FAM117B: variants seen among roughly 807,000 people sequenced by gnomAD.
The protein encoded by FAM117B is family with sequence similarity 117 member B, also known as protein FAM117B.
FAM117B carries 22 observed loss-of-function variants against 52.8 expected under a neutral mutation model. The observed-to-expected ratio is 0.42, with a 90% CI of 0.30 to 0.59. FAM117B has a LOEUF of 0.59. Among genes scored for constraint, FAM117B ranks in the 20% least tolerant of loss-of-function variants. The pLI, the probability that FAM117B is intolerant of heterozygous loss-of-function variation, is 0.22. For missense variants in FAM117B, 678 were observed against 802.6 expected, an observed-to-expected ratio of 0.84 and a Z score of 1.88; for synonymous variants, 309 against 324.1, an observed-to-expected ratio of 0.95 and a Z score of 0.50.
intron 2 of FAM117B, among the ~76,000 whole-genome samples, chr2:202,703,561 G>C (rs1174521379): frequency 6.6e-6 from 1 of 152,092 alleles, no homozygotes; most frequent in Non-Finnish European, 1.5e-5. Flanking sequence ...TTTCTATGTT[G>C]CCCGGGCTGG....
intron 7 of FAM117B, among the ~76,000 whole-genome samples, chr2:202,759,758 C>T (rs557260350): frequency 3.3e-5 from 5 of 151,846 alleles, no homozygotes; most frequent in South Asian, 2.1e-4. Flanking sequence ...GGGGTTTCAC[C>T]GCGTTAGCCA....
chr2:202,746,834 G>A (rs1379598250), intron 4 of FAM117B, among the ~76,000 whole-genome samples: 1 of 151,844 alleles, frequency 6.6e-6, no homozygotes, highest in Admixed American at 6.6e-5. Context: ...ACTAGCACCA[G>A]TTCTTCTCAA....
intron 7 of FAM117B, 93 bp from the exon 8 acceptor site, chr2:202,765,352 TA>T: frequency 8.0e-7 from 1 of 1,249,146 alleles, no homozygotes; most frequent in Non-Finnish European, 1.1e-6. Flanking sequence ...TAACTGTTTT[TA>T]AAAAATAAAA....
intron 4 of FAM117B, among the ~76,000 whole-genome samples, chr2:202,729,445 A>T (rs965924427): frequency 1.3e-5 from 2 of 152,230 alleles, no homozygotes; most frequent in African/African-American, 2.4e-5. Context: ...GCCACACGAT[A>T]CATGTGTACT....
At chr2:202,688,449 C>G (rs1016496358) in intron 1 of FAM117B, among the ~76,000 whole-genome samples, 1 of 151,946 alleles carries the variant, frequency 6.6e-6, no homozygotes, top group Non-Finnish European at 1.5e-5. Context: ...ATTATACATA[C>G]TCTTTAAAAT....
chr2:202,652,123 A>G (rs1276486119), intron 1 of FAM117B, among the ~76,000 whole-genome samples: 1 of 151,812 alleles, frequency 6.6e-6, no homozygotes, highest in Non-Finnish European at 1.5e-5. Flanking sequence ...TTTAAAGACA[A>G]GGTCTTGCTC....
At chr2:202,729,067 G>A (rs1691300371) in intron 4 of FAM117B, among the ~76,000 whole-genome samples, 1 of 152,224 alleles carries the variant, frequency 6.6e-6, no homozygotes, top group South Asian at 2.1e-4. Flanking sequence ...GCCGGGCACG[G>A]TGGCTCACGC....
At chr2:202,705,789 T>G (rs1169350799) in intron 2 of FAM117B, among the ~76,000 whole-genome samples, 2 of 152,222 alleles carry the variant, frequency 1.3e-5, no homozygotes, top group Non-Finnish European at 2.9e-5. Flanking sequence ...TTAAACTACC[T>G]GATTTTCAGA....
intron 2 of FAM117B, among the ~76,000 whole-genome samples, chr2:202,702,255 G>A (rs1466149924): frequency 6.6e-6 from 1 of 152,004 alleles, no homozygotes; most frequent in Non-Finnish European, 1.5e-5. Context: ...GTGGGGCATG[G>A]TGGTGTGCAC....
intron 2 of FAM117B, 83 bp from the exon 3 acceptor site, chr2:202,724,832 AAT>A: frequency 1.1e-6 from 1 of 942,498 alleles, no homozygotes; most frequent in South Asian, 3.0e-5. Context: ...TTGTAATGGA[AAT>A]ATGTTTTATA....
At chr2:202,641,465 A>G (rs897661882) in intron 1 of FAM117B, among the ~76,000 whole-genome samples, 9 of 152,286 alleles carry the variant, frequency 5.9e-5, no homozygotes, top group African/African-American at 2.2e-4. Flanking sequence ...CCAGACTGTC[A>G]GGGTTCAGAC....
chr2:202,646,031 GTTTT>G lies in FAM117B; in HGVS notation c.601+10253_601+10256del, dbSNP rs774262277. On this transcript the variant is annotated intron_variant, in intron 1 of 7. Coordinates refer to ENST00000392238, the MANE Select transcript of FAM117B (RefSeq NM_173511.4). Reference sequence around the variant, plus strand: ...TCCTGTTAATGCCTAAAAGTTTTTTGTTTTTTTTTTTTTGAGATGGAGTCTTGCT... The same window carrying G: ...TCCTGTTAATGCCTAAAAGTTTTTTGTTTTTTTTTGAGATGGAGTCTTGCT... 7.3e-5 allele frequency among the ~76,000 whole-genome samples: 10 copies of G among 137,798 alleles called. No homozygotes were observed. In the South Asian group the frequency reaches 1.2e-3, roughly 16 times the overall value. The allele number at this position is 137,798 out of a possible 152,430, so 90.4% of individuals were successfully genotyped here.
intron 1 of FAM117B, among the ~76,000 whole-genome samples, chr2:202,653,662 T>TG (rs1690009369): frequency 6.6e-6 from 1 of 152,246 alleles, no homozygotes; most frequent in Non-Finnish European, 1.5e-5. Context: ...ATTGAGAGTT[T>TG]GAGAAATTCA....
At chr2:202,663,961 A>C (rs1422796874) in intron 1 of FAM117B, among the ~76,000 whole-genome samples, 1 of 152,212 alleles carries the variant, frequency 6.6e-6, no homozygotes, top group East Asian at 1.9e-4. Context: ...TGTCCTGTAA[A>C]GTATACTGAT....
chr2:202,681,269 T>C (rs937741792), intron 1 of FAM117B, among the ~76,000 whole-genome samples: 1 of 151,712 alleles, frequency 6.6e-6, no homozygotes, highest in Non-Finnish European at 1.5e-5. Flanking sequence ...AAAGAACAGG[T>C]AGAGAAAATG....
At chr2:202,719,731 C>T (rs2105785245) in intron 2 of FAM117B, among the ~76,000 whole-genome samples, 1 of 152,242 alleles carries the variant, frequency 6.6e-6, no homozygotes, top group Admixed American at 6.5e-5. Flanking sequence ...GCAATTTCCC[C>T]TGTAAGCTAG....
intron 1 of FAM117B, among the ~76,000 whole-genome samples, chr2:202,665,203 A>G (rs946475547): frequency 1.3e-5 from 2 of 148,530 alleles, no homozygotes; most frequent in African/African-American, 2.5e-5. Flanking sequence ...TTTTTTTGAG[A>G]CAGAGTTTCG....
chr2:202,691,698 T>TGTGTGTGTGTGCGC (rs1476079292), intron 1 of FAM117B, among the ~76,000 whole-genome samples: 7 of 131,088 alleles, frequency 5.3e-5, no homozygotes, highest in African/African-American at 1.9e-4. Context: ...TGTGTGTGTG[T>TGTGTGTGTGTGCGC]GCGCGCGCGC....
intron 2 of FAM117B, among the ~76,000 whole-genome samples, chr2:202,699,714 G>T (rs1166996708): frequency 6.6e-6 from 1 of 152,094 alleles, no homozygotes; most frequent in Non-Finnish European, 1.5e-5. Context: ...ATATAACAAG[G>T]TTTGCTGGTT....
Sources: gnomAD v4.1 joint callset for allele counts (sites outside exome capture counted in the v4.1 genomes callset) on GRCh38, gnomAD v4.1.1 for gene constraint, MANE v1.5 for transcripts, NCBI Gene and HGNC (gene_info 2026-07-23, HGNC 2026-07-21) for gene names.